Variants in MTARC2 observed in about 807,000 individuals in gnomAD.
MTARC2 encodes MOCO sulphurase C-terminal domain containing 2.
A neutral mutation model predicts 35.6 loss-of-function variants in MTARC2; 27 were observed. The ratio of observed to expected loss-of-function variants is 0.76; its 90% confidence interval spans 0.56 to 1.04. The LOEUF (loss-of-function observed/expected upper bound fraction) is 1.04, where lower values mean the gene tolerates loss of function less well. Ranked by LOEUF, MTARC2 falls within the 50% of genes least tolerant of loss-of-function variation. The pLI, the probability that MTARC2 is intolerant of heterozygous loss-of-function variation, is 0.00. For synonymous variants in MTARC2, 158 were observed against 167.1 expected, an observed-to-expected ratio of 0.95 and a Z score of 0.42; for missense variants, 412 against 432.5, an observed-to-expected ratio of 0.95 and a Z score of 0.42.
chr1:220,781,924 GGT>G lies in MTARC2; in HGVS notation c.*25_*26del. The G allele has an allele frequency of 6.2e-7, 1 of 1,611,570 alleles. No homozygotes were observed. The highest frequency in any genetic ancestry group is 2.2e-5 in the East Asian group (1 of 44,808). ...TAGTGATGAGTGATGGATCCACTAG[GGT>G]GATATGGTAAAGGGTCAGCTTTGCT... On this transcript the variant is annotated 3_prime_UTR_variant, in exon 7 of 8. Transcript: ENST00000366913.
intron 4 of MTARC2, among the ~76,000 whole-genome samples, chr1:220,774,803 C>T (rs1006061002): frequency 6.6e-6 from 1 of 152,136 alleles, no homozygotes; most frequent in Non-Finnish European, 1.5e-5. Context: ...ACCTTGGCCT[C>T]CATTCTCACC....
intron 1 of MTARC2, among the ~76,000 whole-genome samples, chr1:220,754,629 C>A (rs964895498): frequency 2.6e-5 from 4 of 152,140 alleles, no homozygotes; most frequent in African/African-American, 7.2e-5. Context: ...AAAGCAGAAC[C>A]CCCAGACAAG....
At chr1:220,768,983 G>A (rs976963876) in intron 4 of MTARC2, among the ~76,000 whole-genome samples, 2 of 152,162 alleles carry the variant, frequency 1.3e-5, no homozygotes, top group African/African-American at 2.4e-5. Context: ...GCCTTGATTA[G>A]GAAAAGCTCC....
intron 4 of MTARC2, among the ~76,000 whole-genome samples, chr1:220,776,802 C>A (rs995058022): frequency 2.0e-5 from 3 of 152,322 alleles, no homozygotes; most frequent in Non-Finnish European, 4.4e-5. Flanking sequence ...CTCTCACACA[C>A]AAAAAATTGA....
intron 2 of MTARC2, among the ~76,000 whole-genome samples, chr1:220,756,627 A>T (rs1379016656): frequency 6.6e-6 from 1 of 152,224 alleles, no homozygotes; most frequent in East Asian, 1.9e-4. Flanking sequence ...TTCATTGAAG[A>T]GGAAGTGTGT....
At chr1:220,771,112 A>G (rs1426971360) in intron 4 of MTARC2, among the ~76,000 whole-genome samples, 1 of 152,168 alleles carries the variant, frequency 6.6e-6, no homozygotes, top group Non-Finnish European at 1.5e-5. Flanking sequence ...CAGCCTGACC[A>G]CTATGGTGAA....
At chr1:220,772,781 G>T (rs1022148800) in intron 4 of MTARC2, among the ~76,000 whole-genome samples, 6 of 152,082 alleles carry the variant, frequency 3.9e-5, no homozygotes, top group African/African-American at 1.4e-4. Flanking sequence ...CGGGAACCAT[G>T]GCATGGTCTT....
intron 4 of MTARC2, among the ~76,000 whole-genome samples, chr1:220,778,554 C>T (rs1179896491): frequency 1.3e-5 from 2 of 152,182 alleles, no homozygotes; most frequent in Admixed American, 1.3e-4. Context: ...TCTGTCCCGC[C>T]AGGTCCCACC....
At chr1:220,776,360 T>G (rs987484669) in intron 4 of MTARC2, among the ~76,000 whole-genome samples, 1 of 152,210 alleles carries the variant, frequency 6.6e-6, no homozygotes, top group African/African-American at 2.4e-5. Context: ...AATAGCGTAT[T>G]TCACTCTTTG....
In MTARC2 at chr1:220,748,796, C is replaced by T; in HGVS notation, c.265C>T (p.Arg89Trp). The change falls in exon 1 of 8, where the codon CGG (arginine) becomes TGG (tryptophan). Residue 89 changes from arginine (R) to tryptophan (W), a missense_variant. Coordinates refer to ENST00000366913, the MANE Select transcript of MTARC2 (RefSeq NM_017898.5). Reference protein sequence around the residue: ...TAMGLRSGNLRDRFWLVIKED... With the variant: ...TAMGLRSGNLWDRFWLVIKED... ...CATGGGGCTGCGCAGCGGCAACCTGCGGGACAGGTACAGCACAGCGCGGGC... is the reference window on the plus strand; with the variant it reads ...CATGGGGCTGCGCAGCGGCAACCTGTGGGACAGGTACAGCACAGCGCGGGC... 2.5e-6 allele frequency: 4 copies of T among 1,591,664 alleles called. No individual in the cohort carries two copies. Among genetic ancestry groups the T allele is most frequent in the Non-Finnish European group, 2.6e-6 (3 of 1,169,916 alleles).
rs1395467658 is a variant in MTARC2, at chr1:220,771,066, A to G, written c.750+8016A>G. Among the ~76,000 whole-genome samples the G allele has an allele frequency of 4.6e-5, 7 of 152,206 alleles. 1 individual carries two copies. Among genetic ancestry groups the G allele is most frequent in the African/African-American group, 1.2e-4 (5 of 41,446 alleles). Reference sequence around the variant, plus strand: ...GTAATCCCAGCACTTTGGGAGGCCGAGCCAGTCGGATCACCTGAGGTCAGG... The same window carrying G: ...GTAATCCCAGCACTTTGGGAGGCCGGGCCAGTCGGATCACCTGAGGTCAGG... On this transcript the variant is annotated intron_variant, in intron 4 of 7. Coordinates refer to ENST00000366913, the MANE Select transcript of MTARC2 (RefSeq NM_017898.5).
rs938399140 is a variant in MTARC2, at chr1:220,784,051, T to C, written c.*164T>C. On this transcript the variant is annotated 3_prime_UTR_variant, in exon 8 of 8. Coordinates refer to ENST00000366913, the MANE Select transcript of MTARC2 (RefSeq NM_017898.5). ...CTCGATTTTTGACTTTTCAAAGTTG[T>C]GTATGCTCCAGGTTAATGCAAGGAA... 1.4e-6 allele frequency: 1 copy of C among 708,550 alleles called. No individual in the cohort carries two copies. The highest frequency in any genetic ancestry group is 2.7e-5 in the East Asian group (1 of 37,160). The allele number at this position is 708,550 out of a possible 1,614,324, so 43.9% of individuals were successfully genotyped here. A position where few individuals can be genotyped will look rare whatever the true frequency, so the allele number is the denominator to read the frequency against.
chr1:220,750,952 A>G (rs1303720622), intron 1 of MTARC2, among the ~76,000 whole-genome samples: 1 of 152,242 alleles, frequency 6.6e-6, no homozygotes, highest in Non-Finnish European at 1.5e-5. Context: ...TCTCATTTGC[A>G]AAAGAATGAG....
At position 220,748,728 on chromosome 1, in the gene MTARC2, A is replaced by G. The variant is rs745614561; in HGVS notation, c.197A>G (p.Lys66Arg). Residue 66 changes from lysine (K) to arginine (R), a missense_variant, in exon 1 of 8, where the codon AAA becomes AGA. Lys to Arg is a conservative substitution (Grantham distance 26, BLOSUM62 2). Transcript: ENST00000366913. ...TVAKLWIYPV[K>R]SCKGVPVSEA... Reference sequence around the variant, plus strand: ...GCGAAGCTCTGGATCTACCCGGTGAAATCCTGCAAAGGGGTGCCGGTGAGC... The same window carrying G: ...GCGAAGCTCTGGATCTACCCGGTGAGATCCTGCAAAGGGGTGCCGGTGAGC... The G allele has an allele frequency of 6.2e-7, 1 of 1,600,340 alleles. No homozygotes were observed. The highest frequency in any genetic ancestry group is 2.3e-5 in the East Asian group (1 of 44,014).
At chr1:220,750,783 C>G (rs1019444929) in intron 1 of MTARC2, among the ~76,000 whole-genome samples, 15 of 152,156 alleles carry the variant, frequency 9.9e-5, no homozygotes, top group African/African-American at 3.6e-4. Context: ...GAAGGAGTAT[C>G]CCATCCAAGG....
chr1:220,777,611 T>C (rs1296798967), intron 4 of MTARC2, among the ~76,000 whole-genome samples: 1 of 152,202 alleles, frequency 6.6e-6, no homozygotes, highest in Non-Finnish European at 1.5e-5. Context: ...ATGGAGGCAG[T>C]AGTGAGGCCC....
chr1:220,748,861 G>A lies in MTARC2; in HGVS notation c.272+58G>A, dbSNP rs544076129. 1.4e-5 allele frequency: 21 copies of A among 1,484,892 alleles called. No homozygotes were observed. In the South Asian group the frequency reaches 2.7e-4, roughly 19 times the overall value. The allele number at this position is 1,484,892 out of a possible 1,614,324, so 92.0% of individuals were successfully genotyped here. A position where few individuals can be genotyped will look rare whatever the true frequency, so the allele number is the denominator to read the frequency against. Reference sequence around the variant, plus strand: ...AGCCTGCCTGGGATGAGGAGCGGGGGGGCAGGTGGGGCCCGATCTATCTGG... The same window carrying A: ...AGCCTGCCTGGGATGAGGAGCGGGGAGGCAGGTGGGGCCCGATCTATCTGG... On this transcript the variant is annotated intron_variant, in intron 1 of 7. Transcript: ENST00000366913.
intron 1 of MTARC2, chr1:220,754,529 T>A: frequency 4.6e-6 from 2 of 432,892 alleles, no homozygotes; most frequent in Non-Finnish European, 4.6e-6. Flanking sequence ...GCCAACCTCA[T>A]CTTGTTCTAC....
intron 4 of MTARC2, among the ~76,000 whole-genome samples, chr1:220,765,366 T>C (rs1671554374): frequency 6.6e-6 from 1 of 152,122 alleles, no homozygotes; most frequent in South Asian, 2.1e-4. Context: ...ACCAAGGAGT[T>C]TGGATTTTAT....
Sources: gnomAD v4.1 joint callset for allele counts (sites outside exome capture counted in the v4.1 genomes callset) on GRCh38, gnomAD v4.1.1 for gene constraint, MANE v1.5 for transcripts, NCBI Gene and HGNC (gene_info 2026-07-23, HGNC 2026-07-21) for gene names.